Variants in GABRG3 observed in about 807,000 individuals in gnomAD.
The protein encoded by GABRG3 is gamma-aminobutyric acid type A receptor subunit gamma3, also known as gamma-aminobutyric acid receptor subunit gamma-3.
Under a neutral mutation model 48.8 loss-of-function variants are expected in GABRG3, and 25 were observed. The ratio of observed to expected loss-of-function variants is 0.51; its 90% CI spans 0.37 to 0.72. GABRG3 has a LOEUF of 0.72. GABRG3 is among the 30% of genes least tolerant of loss of function. The pLI, the probability that GABRG3 is intolerant of heterozygous loss-of-function variation, is 0.00. For synonymous variants in GABRG3, 227 were observed against 217.6 expected, an observed-to-expected ratio of 1.04 and a Z score of -0.38; for missense variants, 394 against 577.9, an observed-to-expected ratio of 0.68 and a Z score of 3.26.
At chr15:27,458,044 G>A (rs1889335977) in intron 5 of GABRG3, among the ~76,000 whole-genome samples, 1 of 152,040 alleles carries the variant, frequency 6.6e-6, no homozygotes, top group Non-Finnish European at 1.5e-5. Flanking sequence ...CCGACTCTGG[G>A]TTCTCTCTTC....
At chr15:27,269,426 C>G (rs1891014717) in intron 3 of GABRG3, among the ~76,000 whole-genome samples, 1 of 152,130 alleles carries the variant, frequency 6.6e-6, no homozygotes, top group African/African-American at 2.4e-5. Context: ...CCTAGCATGG[C>G]CTCTAATTCC....
At chr15:27,081,750 C>T (rs1256912516) in intron 3 of GABRG3, among the ~76,000 whole-genome samples, 2 of 152,200 alleles carry the variant, frequency 1.3e-5, no homozygotes, top group African/African-American at 4.8e-5. Flanking sequence ...CGGCTGAGAG[C>T]CTGTGACTGA....
At chr15:27,212,749 C>T (rs184514575) in intron 3 of GABRG3, among the ~76,000 whole-genome samples, 1 of 152,308 alleles carries the variant, frequency 6.6e-6, no homozygotes, top group African/African-American at 2.4e-5. Context: ...CTGACCTTGG[C>T]AACAACTGTT....
At chr15:27,072,341 TTTTTCTTCATTCCTTCATTTCC>T (rs1467419211) in intron 3 of GABRG3, among the ~76,000 whole-genome samples, 17 of 152,226 alleles carry the variant, frequency 1.1e-4, no homozygotes, top group Admixed American at 1.0e-3. Context: ...GACACCCTTC[TTTTTCTTCATTCCTTCATTTCC>T]TTTTCTTCAT....
intron 3 of GABRG3, among the ~76,000 whole-genome samples, chr15:27,293,601 G>A (rs1595645944): frequency 6.6e-6 from 1 of 151,990 alleles, no homozygotes; most frequent in East Asian, 1.9e-4. Context: ...GCTTGAACCT[G>A]GAAGGCACAG....
intron 3 of GABRG3, among the ~76,000 whole-genome samples, chr15:27,280,961 T>G (rs1173088338): frequency 1.3e-5 from 2 of 152,176 alleles, no homozygotes; most frequent in Admixed American, 6.5e-5. Context: ...TCTATTTCTC[T>G]TTTCAGTTTT....
At chr15:26,993,782 A>G (rs896639502) in intron 2 of GABRG3, among the ~76,000 whole-genome samples, 3 of 151,968 alleles carry the variant, frequency 2.0e-5, no homozygotes, top group African/African-American at 4.8e-5. Flanking sequence ...AGATCTTTCA[A>G]GTGTTGAAAG....
At chr15:27,514,309 G>A (rs1415349508) in intron 6 of GABRG3, among the ~76,000 whole-genome samples, 1 of 152,198 alleles carries the variant, frequency 6.6e-6, no homozygotes. Context: ...GTGTGGCTTA[G>A]CGGGGAACTT....
intron 3 of GABRG3, among the ~76,000 whole-genome samples, chr15:27,164,995 G>C (rs74004712): frequency 1.3e-5 from 2 of 152,114 alleles, no homozygotes; most frequent in Admixed American, 6.6e-5. Flanking sequence ...TCTTGGATAA[G>C]AACTTTTTTC....
At chr15:27,075,323 G>A (rs924632176) in intron 3 of GABRG3, among the ~76,000 whole-genome samples, 2 of 152,150 alleles carry the variant, frequency 1.3e-5, no homozygotes, top group Non-Finnish European at 2.9e-5. Flanking sequence ...AAATGATTAC[G>A]TGTGGAGGCT....
chr15:27,520,947 A>G (rs985219883), intron 7 of GABRG3, among the ~76,000 whole-genome samples: 22 of 151,848 alleles, frequency 1.4e-4, no homozygotes, highest in Admixed American at 5.9e-4. Context: ...ATGCCAAGAG[A>G]TTAATTAGCC....
At chr15:27,117,050 G>A (rs1223500752) in intron 3 of GABRG3, among the ~76,000 whole-genome samples, 2 of 152,182 alleles carry the variant, frequency 1.3e-5, no homozygotes, top group African/African-American at 2.4e-5. Flanking sequence ...TCTGAGGTAG[G>A]TTCTATTACT....
chr15:27,469,412 C>T (rs1007664010), intron 5 of GABRG3, among the ~76,000 whole-genome samples: 4 of 152,158 alleles, frequency 2.6e-5, no homozygotes, highest in Non-Finnish European at 5.9e-5. Flanking sequence ...ACAATCTCGG[C>T]TCTCTGCAAC....
intron 5 of GABRG3, among the ~76,000 whole-genome samples, chr15:27,423,558 G>A (rs1888196650): frequency 6.9e-6 from 1 of 145,596 alleles, no homozygotes; most frequent in South Asian, 2.2e-4. Flanking sequence ...TTTTTTTTGA[G>A]ACGAGGTTTT....
At chr15:27,199,677 A>G (rs565911723) in intron 3 of GABRG3, among the ~76,000 whole-genome samples, 11 of 152,156 alleles carry the variant, frequency 7.2e-5, no homozygotes, top group African/African-American at 2.4e-4. Flanking sequence ...CCTTTCCACC[A>G]TGAGTAAAAG....
chr15:27,053,272 A>G (rs1032698847), intron 3 of GABRG3, among the ~76,000 whole-genome samples: 1 of 152,212 alleles, frequency 6.6e-6, no homozygotes, highest in African/African-American at 2.4e-5. Flanking sequence ...TCCAGAATCT[A>G]TAACTAACTT....
intron 5 of GABRG3, among the ~76,000 whole-genome samples, chr15:27,405,702 A>ATG (rs1218776346): frequency 6.6e-6 from 1 of 152,068 alleles, no homozygotes; most frequent in Non-Finnish European, 1.5e-5. Context: ...TTTTTTCTGT[A>ATG]TGTGTGTGTG....
intron 3 of GABRG3, among the ~76,000 whole-genome samples, chr15:27,314,476 A>T (rs985873416): frequency 6.6e-6 from 1 of 152,222 alleles, no homozygotes; most frequent in Non-Finnish European, 1.5e-5. Flanking sequence ...ATGCAGAATA[A>T]TACAGCCACT....
At chr15:27,041,267 C>T (rs1896272097) in intron 3 of GABRG3, among the ~76,000 whole-genome samples, 1 of 152,158 alleles carries the variant, frequency 6.6e-6, no homozygotes, top group Admixed American at 6.5e-5. Context: ...ATTGCAACCT[C>T]CTCCTCCCAG....
Sources: allele counts gnomAD v4.1 joint callset (sites outside exome capture counted in the v4.1 genomes callset), GRCh38; gene constraint gnomAD v4.1.1; transcripts MANE v1.5; gene names NCBI Gene and HGNC (gene_info 2026-07-23, HGNC 2026-07-21).